The following NEK10 variants were observed in gnomAD, a reference collection of about 807,000 sequenced individuals.
NEK10 encodes NIMA related kinase 10, also known as serine/threonine-protein kinase Nek10.
A neutral mutation model predicts 159.8 loss-of-function variants in NEK10; 122 were observed. The observed-to-expected ratio is 0.76, with a 90% confidence interval of 0.66 to 0.89. The LOEUF (loss-of-function observed/expected upper bound fraction) is 0.89, where lower values mean the gene tolerates loss of function less well. NEK10 is among the 40% of genes least tolerant of loss of function. The probability of loss-of-function intolerance (pLI) is 0.00; values close to 1 mark genes in which losing one functional copy is unlikely to be tolerated. For missense variants in NEK10, 1,342 were observed against 1,323.1 expected, an observed-to-expected ratio of 1.01 and a Z score of -0.22; for synonymous variants, 466 against 457.1, an observed-to-expected ratio of 1.02 and a Z score of -0.25.
At chr3:27,285,502 G>A (rs2042516504) in intron 20 of NEK10, among the ~76,000 whole-genome samples, 1 of 144,664 alleles carries the variant, frequency 6.9e-6, no homozygotes, top group African/African-American at 2.7e-5. Context: ...AGAAATTTCT[G>A]TTATGTCTTT....
At chr3:27,150,003 T>C (rs1944673642) in intron 30 of NEK10, among the ~76,000 whole-genome samples, 1 of 151,996 alleles carries the variant, frequency 6.6e-6, no homozygotes, top group Non-Finnish European at 1.5e-5. Context: ...AGATAAAAGA[T>C]CAAACCTGCC....
chr3:27,362,367 C>A (rs1183381536), intron 1 of NEK10, among the ~76,000 whole-genome samples: 2 of 152,088 alleles, frequency 1.3e-5, no homozygotes, highest in Non-Finnish European at 2.9e-5. Context: ...AGTTTGGAAG[C>A]AATGCTATTC....
chr3:27,144,294 T>C (rs893005461), intron 30 of NEK10, among the ~76,000 whole-genome samples: 8 of 152,244 alleles, frequency 5.3e-5, no homozygotes, highest in African/African-American at 1.9e-4. Flanking sequence ...GTGTCCTGGA[T>C]GCACTGTAGT....
At chr3:27,188,030 T>C (rs1400604289) in intron 26 of NEK10, among the ~76,000 whole-genome samples, 1 of 152,220 alleles carries the variant, frequency 6.6e-6, no homozygotes, top group Non-Finnish European at 1.5e-5. Context: ...ACAAGTCTTT[T>C]AACTTCTCCT....
intron 6 of NEK10, among the ~76,000 whole-genome samples, chr3:27,315,552 CTATT>C (rs1248659236): frequency 6.6e-6 from 1 of 152,164 alleles, no homozygotes; most frequent in Non-Finnish European, 1.5e-5. Context: ...CATATGATCT[CTATT>C]TATGGTAGGA....
intron 23 of NEK10, among the ~76,000 whole-genome samples, chr3:27,248,923 G>A (rs1955375722): frequency 6.6e-6 from 1 of 152,044 alleles, no homozygotes; most frequent in Non-Finnish European, 1.5e-5. Context: ...TTTCTATCTG[G>A]GAGGTCTGTC....
chr3:27,258,490 G>A (rs537892280), intron 22 of NEK10, among the ~76,000 whole-genome samples: 9 of 151,682 alleles, frequency 5.9e-5, no homozygotes, highest in South Asian at 2.1e-4. Flanking sequence ...TTGTTCTTGC[G>A]ATAGTTTGCT....
chr3:27,150,871 T>A (rs553614176), intron 30 of NEK10, among the ~76,000 whole-genome samples: 22 of 152,288 alleles, frequency 1.4e-4, no homozygotes, highest in Non-Finnish European at 1.2e-4. Context: ...TAAAAACATG[T>A]ATGCATTTTA....
rs574835540 is a variant in NEK10, at chr3:27,109,520, C to T, written c.*1752G>A. ...CACGGTACACCTTTTGAATACTATTCTTTCCTAAATTCTGTTTACTATATA... is the reference window on the plus strand; with the variant it reads ...CACGGTACACCTTTTGAATACTATTTTTTCCTAAATTCTGTTTACTATATA... On this transcript the variant is annotated 3_prime_UTR_variant, in exon 36 of 36. Transcript: ENST00000691995. Among the ~76,000 whole-genome samples the T allele has an allele frequency of 2.6e-5, 4 of 151,836 alleles. No individual in the cohort carries two copies. The highest frequency in any genetic ancestry group is 2.6e-4 in the Admixed American group (4 of 15,198).
chr3:27,184,852 G>A (rs1948464230), intron 26 of NEK10, among the ~76,000 whole-genome samples: 1 of 152,144 alleles, frequency 6.6e-6, no homozygotes, highest in African/African-American at 2.4e-5. Flanking sequence ...TCTCCTAGCA[G>A]AGGATTGCAG....
At chr3:27,309,509 T>C (rs574955) in intron 9 of NEK10, 57,628 of 152,140 alleles carry the variant, frequency 0.38, 13,647 homozygotes, top group African/African-American at 0.68. Flanking sequence ...GAACTCTTGA[T>C]AGTAACCTCT....
At position 27,298,595 on chromosome 3, in the gene NEK10, G is replaced by T. The variant is rs550749128; in HGVS notation, c.1169-1355C>A. Among the ~76,000 whole-genome samples the T allele has an allele frequency of 2.7e-4, 41 of 152,328 alleles. 1 individual carries two copies. The South Asian group carries it at 8.3e-3, about 31-fold the overall frequency. On this transcript the variant is annotated intron_variant, in intron 13 of 35. Coordinates refer to ENST00000691995, the MANE Select transcript of NEK10 (RefSeq NM_001394966.1). ...AAGTGACTTTGGAACTGGGTAACAA[G>T]CAGAGCTTGGAACAATTTGGAGGGC...
intron 19 of NEK10, among the ~76,000 whole-genome samples, chr3:27,288,061 C>G (rs960004560): frequency 6.6e-6 from 1 of 152,112 alleles, no homozygotes; most frequent in African/African-American, 2.4e-5. Flanking sequence ...TTTAGCACAC[C>G]TTGTCACAAC....
In NEK10 at chr3:27,168,071, A is replaced by C. The variant is rs1022558726; in HGVS notation, c.2831+3748T>G. On this transcript the variant is annotated intron_variant, in intron 29 of 35. Coordinates refer to ENST00000691995, the MANE Select transcript of NEK10 (RefSeq NM_001394966.1). ...TATGCTTAAGCTTTCTCTTGGTACT[A>C]TTAATATTTAGCCAGGGCCACGTCT... 2.0e-5 allele frequency among the ~76,000 whole-genome samples: 3 copies of C among 152,160 alleles called. No individual in the cohort carries two copies. The East Asian group carries it at 5.8e-4, about 29-fold the overall frequency.
At position 27,141,518 on chromosome 3, in the gene NEK10, T is replaced by C. The variant is rs758613477; in HGVS notation, c.2934A>G (p.Ile978Met). ...VRQISDPIQQ[I>M]LIQLHKIIYI... ...AGATTATTTTGTGCAGCTGAATTAA[T>C]ATCTGCTGAATAGGATCACTGATCT... Residue 978 changes from isoleucine (I) to methionine (M), a missense_variant, in exon 31 of 36, where the codon ATA becomes ATG. Physicochemically the swap from Ile to Met is conservative, Grantham distance 10. Coordinates refer to ENST00000691995, the MANE Select transcript of NEK10 (RefSeq NM_001394966.1). The C allele has an allele frequency of 5.6e-6, 9 of 1,613,160 alleles. No homozygotes were observed. Among genetic ancestry groups the C allele is most frequent in the South Asian group, 1.1e-5 (1 of 90,908 alleles).
intron 5 of NEK10, among the ~76,000 whole-genome samples, chr3:27,327,190 T>C (rs1201787865): frequency 6.6e-6 from 1 of 152,122 alleles, no homozygotes; most frequent in East Asian, 1.9e-4. Context: ...CCTAAGTCTA[T>C]ACAGGGATGG....
chr3:27,180,764 G>A (rs182530526), intron 26 of NEK10, among the ~76,000 whole-genome samples: 4 of 152,146 alleles, frequency 2.6e-5, no homozygotes, highest in African/African-American at 9.6e-5. Flanking sequence ...AAGAAAAAGA[G>A]TCACCATTGT....
rs1346790161 is a variant in NEK10 at position 27,141,581 on chromosome 3, T to C, written c.2871A>G (p.Ala957=). 1 of 1,609,762 alleles carries C rather than the reference T, an allele frequency of 6.2e-7. No individual in the cohort carries two copies. The highest frequency in any genetic ancestry group is 8.5e-7 in the Non-Finnish European group (1 of 1,177,364). The change falls in exon 31 of 36, where the codon GCA becomes GCG. Residue 957 remains alanine, a splice_region_variant and synonymous_variant. Transcript: ENST00000691995. ...TCTGGGACACAGCAATTCCTGCTGA[T>C]GCTGTGGGTGATAAATTTTGTAGTT... is the stretch of plus-strand genomic sequence containing the variant. ...TGGTGSRPRP[A]SAGIAVSQRK...
intron 29 of NEK10, among the ~76,000 whole-genome samples, chr3:27,167,484 C>A (rs12487340): frequency 1.3e-5 from 2 of 152,062 alleles, no homozygotes; most frequent in East Asian, 3.9e-4. Context: ...GAATATGTGA[C>A]AAAGAGGCTG....
Sources: allele counts gnomAD v4.1 joint callset (sites outside exome capture counted in the v4.1 genomes callset), GRCh38; gene constraint gnomAD v4.1.1; transcripts MANE v1.5; gene names NCBI Gene and HGNC (gene_info 2026-07-23, HGNC 2026-07-21).